THSD4: variants seen among roughly 807,000 people sequenced by gnomAD.
THSD4 encodes the protein thrombospondin type 1 domain containing 4.
A neutral mutation model predicts 119.0 loss-of-function variants in THSD4; 69 were observed. That is an observed-to-expected ratio of 0.58 (90% confidence interval 0.48 to 0.71). THSD4 has a LOEUF of 0.71. Among genes scored for constraint, THSD4 ranks in the 30% least tolerant of loss-of-function variants. The probability of loss-of-function intolerance (pLI) is 0.00; values close to 1 mark genes in which losing one functional copy is unlikely to be tolerated. For synonymous variants in THSD4, 524 were observed against 540.4 expected (o/e 0.97, Z 0.42); for missense variants, 1,393 against 1,391.1 (o/e 1.00, Z -0.02).
upstream of THSD4, chr15:71,111,257 G>T: frequency 1.2e-6 from 2 of 1,613,974 alleles, no homozygotes; most frequent in Non-Finnish European, 1.7e-6. Context: ...AAGACTCCCT[G>T]ACACTTCATG....
At chr15:71,186,795 A>G (rs1402258195) in intron 3 of THSD4, 2 of 152,220 alleles carry the variant, frequency 1.3e-5, no homozygotes, top group Non-Finnish European at 2.9e-5. Context: ...GTGATTAATG[A>G]TATTTCCAAT....
At position 71,764,691 on chromosome 15, in the gene THSD4, C is replaced by A. The variant is rs558761073; in HGVS notation, c.2590-329C>A. Among the ~76,000 whole-genome samples, 5 of 152,350 alleles carry A rather than the reference C, an allele frequency of 3.3e-5. No individual in the cohort carries two copies. The East Asian group carries it at 9.7e-4, about 29-fold the overall frequency. ...GGTGCCAGAGTCTATGGGACAGAGA[C>A]AACCAAATGACCTGGCTGGTGTGTT... On this transcript the variant is annotated intron_variant, in intron 15 of 17. Transcript: ENST00000261862.
intron 7 of THSD4, among the ~76,000 whole-genome samples, chr15:71,553,731 A>G (rs1169516758): frequency 1.3e-5 from 2 of 152,182 alleles, no homozygotes; most frequent in Admixed American, 6.5e-5. Context: ...AGTTTTTATC[A>G]GGAGTGATTG....
intron 7 of THSD4, among the ~76,000 whole-genome samples, chr15:71,571,651 T>G (rs1324595773): frequency 1.3e-5 from 2 of 152,204 alleles, no homozygotes; most frequent in African/African-American, 4.8e-5. Context: ...CTCTGAGCCC[T>G]GCAGGAGATA....
At chr15:71,623,079 G>A (rs1240570677) in intron 7 of THSD4, among the ~76,000 whole-genome samples, 1 of 152,004 alleles carries the variant, frequency 6.6e-6, no homozygotes, top group Non-Finnish European at 1.5e-5. Flanking sequence ...ATTGAGCAGA[G>A]GAAAATGTAA....
chr15:71,294,984 G>T (rs1055546166), intron 6 of THSD4, among the ~76,000 whole-genome samples: 1 of 151,872 alleles, frequency 6.6e-6, no homozygotes, highest in Non-Finnish European at 1.5e-5. Flanking sequence ...TGGCACCTGG[G>T]AACTGGGATC....
At chr15:71,326,215 A>G (rs186714567) in intron 6 of THSD4, among the ~76,000 whole-genome samples, 161 of 152,270 alleles carry the variant, frequency 1.1e-3, no homozygotes, top group African/African-American at 3.6e-3. Flanking sequence ...CTCGTTCACA[A>G]TGTGGAGATA....
chr15:71,215,362 C>T lies in THSD4; in HGVS notation c.427C>T (p.Pro143Ser), dbSNP rs1396334219. ...CACGGTGCTGCGAGGCAGCCGGCAC[C>T]CACAGCCCCAGGGCCTCGAAGTCAC... Reference protein sequence around the residue: ...GPTVLRGSRHPQPQGLEVTGD... With the variant: ...GPTVLRGSRHSQPQGLEVTGD... Residue 143 changes from proline to serine, a missense_variant, in exon 4 of 18, where the codon CCA becomes TCA. Coordinates refer to ENST00000261862, the MANE Select transcript of THSD4 (RefSeq NM_024817.3). 1 of 1,532,416 alleles carries T rather than the reference C, an allele frequency of 6.5e-7. No homozygotes were observed. The highest frequency in any genetic ancestry group is 8.7e-7 in the Non-Finnish European group (1 of 1,145,432). The allele number at this position is 1,532,416 out of a possible 1,614,324, so 94.9% of individuals were successfully genotyped here.
intron 8 of THSD4, among the ~76,000 whole-genome samples, chr15:71,676,676 C>T (rs903871646): frequency 6.6e-6 from 1 of 152,216 alleles, no homozygotes; most frequent in Admixed American, 6.5e-5. Context: ...CTCTCTGCCT[C>T]ATGCACTGAC....
At chr15:71,680,019 C>T (rs1202932810) in intron 8 of THSD4, among the ~76,000 whole-genome samples, 1 of 152,154 alleles carries the variant, frequency 6.6e-6, no homozygotes, top group Admixed American at 6.5e-5. Context: ...ATACACACCA[C>T]AGTATTGCTA....
chr15:71,722,487 G>C (rs1440154248), intron 8 of THSD4, among the ~76,000 whole-genome samples: 1 of 152,078 alleles, frequency 6.6e-6, no homozygotes, highest in Non-Finnish European at 1.5e-5. Flanking sequence ...GGACTTTTTA[G>C]TTACCAGATG....
chr15:71,553,664 T>C (rs911182809), intron 7 of THSD4, among the ~76,000 whole-genome samples: 1 of 152,242 alleles, frequency 6.6e-6, no homozygotes, highest in Non-Finnish European at 1.5e-5. Flanking sequence ...TCACTAAGTA[T>C]GATACCTGTC....
intron 7 of THSD4, among the ~76,000 whole-genome samples, chr15:71,494,117 A>G (rs960107912): frequency 1.3e-5 from 2 of 152,208 alleles, no homozygotes; most frequent in African/African-American, 4.8e-5. Context: ...AATTAGGCAT[A>G]CCAACAAGGA....
At chr15:71,559,973 A>C (rs905330526) in intron 7 of THSD4, among the ~76,000 whole-genome samples, 6 of 152,160 alleles carry the variant, frequency 3.9e-5, no homozygotes, top group African/African-American at 1.4e-4. Context: ...TAGTCTAAAA[A>C]CTAATGCTAC....
upstream of THSD4, chr15:71,112,263 T>C (rs370882674): frequency 1.2e-5 from 19 of 1,574,900 alleles, no homozygotes; most frequent in African/African-American, 4.1e-5. Flanking sequence ...CAGTCTTCTA[T>C]AGGATGTCGT....
chr15:71,379,800 TTTG>T (rs747965611), intron 6 of THSD4, among the ~76,000 whole-genome samples: 11 of 151,996 alleles, frequency 7.2e-5, no homozygotes, highest in South Asian at 4.2e-4. Context: ...TTTGCTGACC[TTTG>T]TTGTTGTTGT....
Position 71,425,158 on chromosome 15 carries a change from T to C in THSD4, c.1152+13335T>C, listed in dbSNP as rs531890387. On this transcript the variant is annotated intron_variant, in intron 7 of 17. Transcript: ENST00000261862. ...AGGAGCCATTTCTGAGAGTTTACCA[T>C]GTGCTGTGTCCTTTACACAAAAGTG... 7.4e-4 allele frequency among the ~76,000 whole-genome samples: 113 copies of C among 152,334 alleles called. 3 individuals carry two copies. In the South Asian group the frequency reaches 0.022, roughly 30 times the overall value.
At chr15:71,749,411 A>G (rs1469781800) in intron 14 of THSD4, among the ~76,000 whole-genome samples, 3 of 152,236 alleles carry the variant, frequency 2.0e-5, no homozygotes, top group Non-Finnish European at 4.4e-5. Context: ...GGGTTTGCCC[A>G]GGGCAGCTGC....
chr15:71,377,914 A>ACACACACACAC (rs57687864), intron 6 of THSD4, among the ~76,000 whole-genome samples: 2 of 146,142 alleles, frequency 1.4e-5, no homozygotes, highest in African/African-American at 5.0e-5. Flanking sequence ...ACACACACAC[A>ACACACACACAC]ATTTCCTTCA....
Sources: allele counts gnomAD v4.1 joint callset (sites outside exome capture counted in the v4.1 genomes callset), GRCh38; gene constraint gnomAD v4.1.1; transcripts MANE v1.5; gene names NCBI Gene and HGNC (gene_info 2026-07-23, HGNC 2026-07-21).